Variants in C4orf36 observed in about 807,000 individuals in gnomAD.
The protein encoded by C4orf36 is uncharacterized protein C4orf36.
In C4orf36, 11 loss-of-function variants were observed where a neutral mutation model predicts 12.2. The observed-to-expected ratio is 0.90, with a 90% confidence interval of 0.57 to 1.49. The LOEUF is 1.49. Ranked by LOEUF, C4orf36 falls within the 40% of genes most tolerant of loss-of-function variation. The pLI, the probability that C4orf36 is intolerant of heterozygous loss-of-function variation, is 0.00. For synonymous variants in C4orf36, 54 were observed against 51.3 expected (o/e 1.05, Z -0.22); for missense variants, 137 against 133.9 (o/e 1.02, Z -0.11).
At chr4:86,931,508 C>T in the C4orf36 span, among the ~76,000 whole-genome samples, 2 of 152,106 alleles carry the variant, frequency 1.3e-5, no homozygotes, top group African/African-American at 4.8e-5. Context: ...AAGTTATCCC[C>T]CTACCTCAGC....
chr4:86,887,032 A>G (rs1747198062), intron 4 of C4orf36: 2 of 150,526 alleles, frequency 1.3e-5, no homozygotes, highest in Non-Finnish European at 3.0e-5. Context: ...CAAACACCGC[A>G]TGTTCTCACT....
the C4orf36 span, among the ~76,000 whole-genome samples, chr4:86,899,788 G>T: frequency 6.6e-6 from 1 of 152,178 alleles, no homozygotes; most frequent in African/African-American, 2.4e-5. Context: ...CCAAGATAGT[G>T]CCTCTGCAGT....
chr4:86,914,787 T>C, the C4orf36 span: 1 of 455,274 alleles, frequency 2.2e-6, no homozygotes, highest in South Asian at 1.7e-5. Flanking sequence ...GATAGGTGAT[T>C]GGCTCTAATA....
chr4:86,884,298 A>ACTTT (rs1560471171), intron 4 of C4orf36, among the ~76,000 whole-genome samples: 3 of 125,250 alleles, frequency 2.4e-5, no homozygotes, highest in African/African-American at 5.7e-5. Context: ...AAAAAGACTG[A>ACTTT]ATTTTTTTTT....
At chr4:86,884,257 C>T (rs1333615529) in intron 4 of C4orf36, among the ~76,000 whole-genome samples, 1 of 150,686 alleles carries the variant, frequency 6.6e-6, no homozygotes, top group Admixed American at 6.6e-5. Context: ...CAGGGTCATT[C>T]CAGATAGAAA....
chr4:86,884,920 T>G (rs566602756), intron 4 of C4orf36, among the ~76,000 whole-genome samples: 4 of 152,344 alleles, frequency 2.6e-5, no homozygotes, highest in South Asian at 2.1e-4. Flanking sequence ...TTTCTACATA[T>G]GGCTAGCCAG....
rs897488617 is a variant in C4orf36 at position 86,892,300 on chromosome 4, G to C, written c.-191C>G. The C allele has an allele frequency of 2.0e-6, 2 of 985,640 alleles. No individual in the cohort carries two copies. The highest frequency in any genetic ancestry group is 6.1e-5 in the Admixed American group (1 of 16,276). The allele number at this position is 985,640 out of a possible 1,614,324, so 61.1% of individuals were successfully genotyped here. On this transcript the variant is annotated 5_prime_UTR_variant, in exon 1 of 5. Coordinates refer to ENST00000295898, the MANE Select transcript of C4orf36 (RefSeq NM_144645.4). The stretch of plus-strand genomic sequence containing the variant: ...TGGTTACCCGGGCTCCAGGGGCTCG[G>C]AGGGTCGCGGCCGGGGTACTGAGGT...
chr4:86,923,754 ACT>A, the C4orf36 span, among the ~76,000 whole-genome samples: 30 of 142,776 alleles, frequency 2.1e-4, no homozygotes, highest in East Asian at 5.7e-3. Flanking sequence ...CAAGAGTGAG[ACT>A]CTGTCTCAAA....
At chr4:86,883,474 T>A (rs1421052676) in intron 4 of C4orf36, among the ~76,000 whole-genome samples, 1 of 152,230 alleles carries the variant, frequency 6.6e-6, no homozygotes. Context: ...ATTACAATGA[T>A]AGTGATACTC....
chr4:86,892,098 C>G (rs778730559), intron 1 of C4orf36, 85 bp downstream of exon 1: 153 of 985,668 alleles, frequency 1.6e-4, no homozygotes, highest in Admixed American at 1.8e-4. Context: ...CCGGGAGGAA[C>G]TGGTTCCCGG....
the C4orf36 span, among the ~76,000 whole-genome samples, chr4:86,918,326 T>G: frequency 6.6e-6 from 1 of 152,214 alleles, no homozygotes; most frequent in African/African-American, 2.4e-5. Flanking sequence ...ATGCAGTATA[T>G]GCTTTGAATC....
At chr4:86,919,315 CTTTTTTTTTT>C in the C4orf36 span, among the ~76,000 whole-genome samples, 3 of 81,354 alleles carry the variant, frequency 3.7e-5, no homozygotes, top group Non-Finnish European at 6.3e-5. Context: ...TTTTTTCCCC[CTTTTTTTTTT>C]TTTTTTTTTT....
chr4:86,927,786 C>A, the C4orf36 span, among the ~76,000 whole-genome samples: 44 of 124,900 alleles, frequency 3.5e-4, no homozygotes, highest in African/African-American at 1.2e-3. Flanking sequence ...GCAACAAGAG[C>A]GAGGCTCCAT....
the C4orf36 span, among the ~76,000 whole-genome samples, chr4:86,923,245 C>A: frequency 6.6e-6 from 1 of 151,974 alleles, no homozygotes; most frequent in African/African-American, 2.4e-5. Flanking sequence ...GTATGTACCA[C>A]TATGCCTGGC....
At chr4:86,917,321 A>AT in the C4orf36 span, among the ~76,000 whole-genome samples, 1 of 118,384 alleles carries the variant, frequency 8.4e-6, no homozygotes, top group Non-Finnish European at 2.0e-5. Flanking sequence ...GAAGAGAGAG[A>AT]GAGAGAGATG....
the C4orf36 span, among the ~76,000 whole-genome samples, chr4:86,908,892 C>T: frequency 2.0e-5 from 3 of 152,104 alleles, no homozygotes; most frequent in Admixed American, 2.0e-4. Flanking sequence ...GCCAGGCTTC[C>T]AGCTGTCCAA....
intron 4 of C4orf36, among the ~76,000 whole-genome samples, chr4:86,886,043 T>G (rs2149421041): frequency 6.6e-6 from 1 of 152,328 alleles, no homozygotes; most frequent in East Asian, 1.9e-4. Flanking sequence ...ATCCCAGGGA[T>G]GAAGCCCACT....
intron 4 of C4orf36, among the ~76,000 whole-genome samples, chr4:86,884,157 C>T (rs1324565753): frequency 6.6e-6 from 1 of 152,088 alleles, no homozygotes; most frequent in Admixed American, 6.6e-5. Context: ...TGATCAATTC[C>T]CCATCCCCCA....
At chr4:86,883,998 GA>G (rs56917645) in intron 4 of C4orf36, among the ~76,000 whole-genome samples, 5,550 of 150,090 alleles carry the variant, frequency 0.037, 331 homozygotes, top group African/African-American at 0.13. Flanking sequence ...GCCTGGGTGG[GA>G]AAAAAAAAAT....
Sources: allele counts gnomAD v4.1 joint callset (sites outside exome capture counted in the v4.1 genomes callset), GRCh38; gene constraint gnomAD v4.1.1; transcripts MANE v1.5; gene names NCBI Gene and HGNC (gene_info 2026-07-23, HGNC 2026-07-21).